RBFOX1: variants seen among roughly 807,000 people sequenced by gnomAD.
The protein encoded by RBFOX1 is RNA binding fox-1 homolog 1.
RBFOX1 carries 8 observed loss-of-function variants against 57.7 expected under a neutral mutation model. The observed-to-expected ratio is 0.14, with a 90% CI of 0.08 to 0.25. The LOEUF is 0.25. Ranked by LOEUF, RBFOX1 falls within the 10% of genes least tolerant of loss-of-function variation. The pLI is 1.00. For synonymous variants in RBFOX1, 326 were observed against 222.4 expected, an observed-to-expected ratio of 1.47 and a Z score of -4.15; for missense variants, 611 against 548.5, an observed-to-expected ratio of 1.11 and a Z score of -1.14.
intron 4 of RBFOX1, among the ~76,000 whole-genome samples, chr16:7,248,167 C>T (rs886104126): frequency 1.3e-5 from 2 of 152,188 alleles, no homozygotes; most frequent in African/African-American, 2.4e-5. Context: ...GCCTTGGTTT[C>T]TTTATCAGTT....
intron 3 of RBFOX1, among the ~76,000 whole-genome samples, chr16:5,827,623 G>A (rs2056111874): frequency 6.6e-6 from 1 of 152,078 alleles, no homozygotes; most frequent in East Asian, 1.9e-4. Flanking sequence ...CAGTGTGAAG[G>A]CAACCACAGA....
intron 3 of RBFOX1, among the ~76,000 whole-genome samples, chr16:6,908,094 C>G (rs7201392): frequency 0.22 from 33,847 of 151,618 alleles, 4,657 homozygotes; most frequent in East Asian, 0.3. Context: ...AGGTCACATT[C>G]ACAGCTACTG....
intron 3 of RBFOX1, among the ~76,000 whole-genome samples, chr16:6,728,078 G>C (rs577099624): frequency 3.9e-5 from 6 of 152,236 alleles, no homozygotes; most frequent in African/African-American, 1.4e-4. Flanking sequence ...TTTTAGCATA[G>C]AGCTAGCCAC....
intron 3 of RBFOX1, among the ~76,000 whole-genome samples, chr16:6,913,769 G>A (rs11647023): frequency 0.25 from 37,760 of 152,002 alleles, 5,232 homozygotes; most frequent in East Asian, 0.51. Flanking sequence ...AGTCCACTGT[G>A]GGAAGCTATT....
intron 2 of RBFOX1, among the ~76,000 whole-genome samples, chr16:5,528,651 C>A (rs962359433): frequency 1.3e-5 from 2 of 150,720 alleles, no homozygotes; most frequent in East Asian, 3.9e-4. Flanking sequence ...CCGCTTCCCC[C>A]CTCCCCTCCC....
intron 4 of RBFOX1, among the ~76,000 whole-genome samples, chr16:5,999,390 C>A (rs193166822): frequency 1.2e-3 from 188 of 152,350 alleles, no homozygotes; most frequent in African/African-American, 4.1e-3. Flanking sequence ...CAAACTCTTC[C>A]CCCATTGAAA....
rs1464959421 is a variant in RBFOX1, at chr16:6,590,674, C to T, written c.-63-63929C>T. On this transcript the variant is annotated intron_variant, in intron 2 of 15. Coordinates refer to ENST00000550418, the MANE Select transcript of RBFOX1 (RefSeq NM_018723.4). ...CATCCCTGCATTCAGAGGATATTTACATGCATACTACGAATCTTTCTAGAA... is the reference window on the plus strand; with the variant it reads ...CATCCCTGCATTCAGAGGATATTTATATGCATACTACGAATCTTTCTAGAA... Among the ~76,000 whole-genome samples the T allele has an allele frequency of 2.0e-5, 3 of 152,228 alleles. No homozygotes were observed. The East Asian group carries it at 5.8e-4, about 29-fold the overall frequency.
At chr16:6,792,352 T>A (rs993372115) in intron 3 of RBFOX1, among the ~76,000 whole-genome samples, 1 of 152,210 alleles carries the variant, frequency 6.6e-6, no homozygotes, top group African/African-American at 2.4e-5. Context: ...TTCAGCATTT[T>A]AGGATTCTAT....
chr16:6,240,443 G>A lies in RBFOX1; in HGVS notation c.-126-76552G>A, dbSNP rs1420778470. 2.0e-5 allele frequency among the ~76,000 whole-genome samples: 3 copies of A among 152,034 alleles called. No individual in the cohort carries two copies. In the East Asian group the frequency reaches 5.8e-4, roughly 29 times the overall value. ...TAAGCTCCAGATTAGTTGATGCATG[G>A]TGAGGGAGTGAACCTTCCTCCCCTC... On this transcript the variant is annotated intron_variant, in intron 1 of 15. Coordinates refer to ENST00000550418, the MANE Select transcript of RBFOX1 (RefSeq NM_018723.4).
chr16:6,842,260 G>A (rs969811065), intron 3 of RBFOX1, among the ~76,000 whole-genome samples: 1 of 151,996 alleles, frequency 6.6e-6, no homozygotes, highest in Non-Finnish European at 1.5e-5. Context: ...TCATTCTGTG[G>A]CATATATTTT....
intron 2 of RBFOX1, among the ~76,000 whole-genome samples, chr16:6,566,810 C>T (rs1222194749): frequency 6.6e-6 from 1 of 152,116 alleles, no homozygotes; most frequent in Non-Finnish European, 1.5e-5. Context: ...TTTCTATCAG[C>T]GTTTTTATCT....
chr16:7,130,556 G>A (rs1052594893), intron 4 of RBFOX1, among the ~76,000 whole-genome samples: 3 of 152,164 alleles, frequency 2.0e-5, no homozygotes, highest in African/African-American at 7.2e-5. Flanking sequence ...CTGAATGATG[G>A]AGTGAAACAG....
intron 3 of RBFOX1, among the ~76,000 whole-genome samples, chr16:6,980,184 T>G (rs1236577586): frequency 6.6e-6 from 1 of 152,188 alleles, no homozygotes; most frequent in African/African-American, 2.4e-5. Flanking sequence ...ATTTCTATTA[T>G]TTGCATCCAA....
At chr16:6,096,329 C>A (rs1471379510) in intron 1 of RBFOX1, among the ~76,000 whole-genome samples, 2 of 152,118 alleles carry the variant, frequency 1.3e-5, no homozygotes, top group East Asian at 1.9e-4. Flanking sequence ...TCAGGAAAAT[C>A]GTTCCCCAGA....
chr16:5,723,709 C>T (rs1458685045), intron 3 of RBFOX1, among the ~76,000 whole-genome samples: 3 of 152,070 alleles, frequency 2.0e-5, no homozygotes, highest in Non-Finnish European at 4.4e-5. Flanking sequence ...CAGTCTCAGG[C>T]TTGGGCTGGA....
chr16:7,053,076 C>T (rs992070299), intron 4 of RBFOX1, among the ~76,000 whole-genome samples: 2 of 152,190 alleles, frequency 1.3e-5, no homozygotes, highest in Admixed American at 6.5e-5. Context: ...ATACACTGCC[C>T]TGTAACTTTT....
intron 2 of RBFOX1, among the ~76,000 whole-genome samples, chr16:6,376,187 T>A (rs1292150112): frequency 1.3e-5 from 2 of 152,212 alleles, no homozygotes; most frequent in African/African-American, 4.8e-5. Flanking sequence ...CTCTTTCCCC[T>A]AGACTCCAGG....
At chr16:7,306,192 G>C (rs1167482711) in intron 4 of RBFOX1, among the ~76,000 whole-genome samples, 1 of 152,002 alleles carries the variant, frequency 6.6e-6, no homozygotes, top group African/African-American at 2.4e-5. Context: ...ATACATCCAT[G>C]TTTCTGCCTT....
At chr16:5,269,395 A>G (rs2062947121) in intron 1 of RBFOX1, among the ~76,000 whole-genome samples, 1 of 152,286 alleles carries the variant, frequency 6.6e-6, no homozygotes, top group Non-Finnish European at 1.5e-5. Context: ...ATGAAAGCAC[A>G]GGTCCACACA....
Sources: allele counts gnomAD v4.1 joint callset (sites outside exome capture counted in the v4.1 genomes callset), GRCh38; gene constraint gnomAD v4.1.1; transcripts MANE v1.5; gene names NCBI Gene and HGNC (gene_info 2026-07-23, HGNC 2026-07-21).